FGF14: variants seen among roughly 807,000 people sequenced by gnomAD.
FGF14 encodes the protein fibroblast growth factor homologous factor 4.
A neutral mutation model predicts 25.5 loss-of-function variants in FGF14; 5 were observed. The ratio of observed to expected loss-of-function variants is 0.20; its 90% CI spans 0.10 to 0.41. The LOEUF (loss-of-function observed/expected upper bound fraction) is 0.41. FGF14 is among the 10% of genes least tolerant of loss of function. The probability of loss-of-function intolerance (pLI) is 1.00; values close to 1 mark genes in which losing one functional copy is unlikely to be tolerated. For missense variants in FGF14, 222 were observed against 320.1 expected, an observed-to-expected ratio of 0.69 and a Z score of 2.34; for synonymous variants, 138 against 118.3, an observed-to-expected ratio of 1.17 and a Z score of -1.08.
intron 1 of FGF14, among the ~76,000 whole-genome samples, chr13:102,096,270 T>C (rs951722280): frequency 6.6e-5 from 10 of 152,086 alleles, no homozygotes; most frequent in East Asian, 3.9e-4. Flanking sequence ...GATGTCCAGA[T>C]GATGAGCAGA....
intron 1 of FGF14, among the ~76,000 whole-genome samples, chr13:102,178,344 C>G (rs2048529805): frequency 6.6e-6 from 1 of 152,130 alleles, no homozygotes; most frequent in Non-Finnish European, 1.5e-5. Flanking sequence ...CAGTTTCACT[C>G]AAATCACCTA....
At chr13:102,293,427 C>T (rs1276466121) in intron 1 of FGF14, 1 of 152,178 alleles carries the variant, frequency 6.6e-6, no homozygotes, top group Non-Finnish European at 1.5e-5. Context: ...ACCATAGGTA[C>T]TGCATTTGTC....
intron 1 of FGF14, among the ~76,000 whole-genome samples, chr13:102,383,407 T>C (rs2058231572): frequency 6.6e-6 from 1 of 152,156 alleles, no homozygotes; most frequent in Non-Finnish European, 1.5e-5. Context: ...TGTTGGACAA[T>C]AAACCAATTT....
chr13:102,113,583 G>A (rs1178603792), intron 1 of FGF14, among the ~76,000 whole-genome samples: 3 of 152,008 alleles, frequency 2.0e-5, no homozygotes, highest in African/African-American at 7.3e-5. Context: ...ATTACTTTTG[G>A]AGCTTTTTCA....
chr13:101,841,625 T>G (rs1276236171), intron 3 of FGF14, among the ~76,000 whole-genome samples: 1 of 152,032 alleles, frequency 6.6e-6, no homozygotes, highest in Non-Finnish European at 1.5e-5. Context: ...AGAAAGCAGT[T>G]GCCAGCATTG....
intron 3 of FGF14, among the ~76,000 whole-genome samples, chr13:101,759,970 A>C (rs1458133932): frequency 6.6e-6 from 1 of 152,148 alleles, no homozygotes; most frequent in African/African-American, 2.4e-5. Flanking sequence ...AAGAGGAAAA[A>C]GGATTTCCCA....
intron 1 of FGF14, chr13:102,394,520 A>G (rs111284253): frequency 0.018 from 2,797 of 152,506 alleles, 54 homozygotes; most frequent in African/African-American, 0.056. Flanking sequence ...CCATAGCAAC[A>G]ACAGCACAAG....
intron 3 of FGF14, among the ~76,000 whole-genome samples, chr13:101,760,190 G>A (rs1349288659): frequency 1.3e-5 from 2 of 152,182 alleles, no homozygotes; most frequent in African/African-American, 2.4e-5. Context: ...GAACCAGTAC[G>A]TGAGAATGAA....
At chr13:101,930,638 A>G (rs941120327) in intron 1 of FGF14, among the ~76,000 whole-genome samples, 5 of 152,194 alleles carry the variant, frequency 3.3e-5, no homozygotes, top group African/African-American at 1.2e-4. Context: ...TTCTTCACAG[A>G]CGAAAAGTAT....
At chr13:101,929,476 G>A (rs189462347) in intron 1 of FGF14, among the ~76,000 whole-genome samples, 71 of 152,320 alleles carry the variant, frequency 4.7e-4, no homozygotes, top group African/African-American at 1.5e-3. Context: ...TAGGAATTTT[G>A]TATGTCACTG....
chr13:102,221,820 G>C (rs2050626511), intron 1 of FGF14, among the ~76,000 whole-genome samples: 1 of 152,104 alleles, frequency 6.6e-6, no homozygotes, highest in African/African-American at 2.4e-5. Flanking sequence ...TTCCTAACTA[G>C]ACTACAAGTT....
At chr13:102,392,137 T>C (rs573759480) in intron 1 of FGF14, among the ~76,000 whole-genome samples, 5 of 152,360 alleles carry the variant, frequency 3.3e-5, no homozygotes, top group Admixed American at 3.3e-4. Flanking sequence ...AGTGATCCAC[T>C]ATAATTGTGC....
chr13:102,056,532 G>A (rs1379326263), intron 1 of FGF14, among the ~76,000 whole-genome samples: 2 of 152,070 alleles, frequency 1.3e-5, no homozygotes, highest in East Asian at 1.9e-4. Flanking sequence ...TTTCTCCAAA[G>A]TGCTAAGTGC....
At chr13:101,753,684 T>C (rs879566432) in intron 3 of FGF14, among the ~76,000 whole-genome samples, 7 of 151,650 alleles carry the variant, frequency 4.6e-5, no homozygotes, top group Non-Finnish European at 4.4e-5. Flanking sequence ...ATGCCTGTAA[T>C]CCCGGCTACT....
At chr13:101,971,701 C>T (rs2037606758) in intron 1 of FGF14, among the ~76,000 whole-genome samples, 1 of 152,178 alleles carries the variant, frequency 6.6e-6, no homozygotes, top group Admixed American at 6.5e-5. Context: ...TAGTTATTAT[C>T]ACTCCATTTC....
rs1010060116 is a variant in FGF14 at position 101,721,771 on chromosome 13, T to TAA, written c.*1058_*1059dup. 2.0e-5 allele frequency: 3 copies of TAA among 152,034 alleles called. No homozygotes were observed. Among genetic ancestry groups the TAA allele is most frequent in the African/African-American group, 7.2e-5 (3 of 41,404 alleles). 9.4% of individuals were successfully genotyped at this position (152,034 alleles called of 1,614,324 possible). A position where few individuals can be genotyped will look rare whatever the true frequency, so the allele number is the denominator to read the frequency against. ...ACGCAGCCAGAAACGGGGATGGCGTTAAGTTTGGTTCATTAAAAACAGGAC... is the reference window on the plus strand; with the variant it reads ...ACGCAGCCAGAAACGGGGATGGCGTTAAAAGTTTGGTTCATTAAAAACAGGAC... On this transcript the variant is annotated 3_prime_UTR_variant, in exon 5 of 5. Coordinates refer to ENST00000376143, the MANE Select transcript of FGF14 (RefSeq NM_004115.4).
intron 1 of FGF14, among the ~76,000 whole-genome samples, chr13:102,065,880 AATAAC>A (rs1566640364): frequency 6.6e-6 from 1 of 152,120 alleles, no homozygotes; most frequent in African/African-American, 2.4e-5. Context: ...CAAGTTATCA[AATAAC>A]ATAATGAATA....
chr13:102,136,745 T>C (rs2046429217), intron 1 of FGF14, among the ~76,000 whole-genome samples: 2 of 152,028 alleles, frequency 1.3e-5, no homozygotes, highest in African/African-American at 4.8e-5. Context: ...ATGACTGATC[T>C]GAATATGGAA....
chr13:101,722,461 A>C lies in FGF14; in HGVS notation c.*370T>G. 3.0e-6 allele frequency: 1 copy of C among 335,610 alleles called. No individual in the cohort carries two copies. Among genetic ancestry groups the C allele is most frequent in the Non-Finnish European group, 5.8e-6 (1 of 172,684 alleles). 20.8% of individuals were successfully genotyped at this position (335,610 alleles called of 1,614,324 possible). A position where few individuals can be genotyped will look rare whatever the true frequency, so the allele number is the denominator to read the frequency against. On this transcript the variant is annotated 3_prime_UTR_variant, in exon 5 of 5. Coordinates refer to ENST00000376143, the MANE Select transcript of FGF14 (RefSeq NM_004115.4). ...GTGCTACAAAATTGAACTTAAACAC[A>C]TAGATTTCGCTGAAACAGGACTCAA... is the stretch of plus-strand genomic sequence containing the variant.
Sources: gnomAD v4.1 joint callset for allele counts (sites outside exome capture counted in the v4.1 genomes callset) on GRCh38, gnomAD v4.1.1 for gene constraint, MANE v1.5 for transcripts, NCBI Gene and HGNC (gene_info 2026-07-23, HGNC 2026-07-21) for gene names.